The following SNX9 variants were observed in gnomAD, a reference collection of about 807,000 sequenced individuals.
SNX9 encodes the protein sorting nexin-9.
A neutral mutation model predicts 89.4 loss-of-function variants in SNX9; 44 were observed. The observed-to-expected ratio is 0.49, with a 90% CI of 0.39 to 0.63. SNX9 has a LOEUF of 0.63. Among genes scored for constraint, SNX9 ranks in the 30% least tolerant of loss-of-function variants. SNX9 has a pLI of 0.00. For missense variants in SNX9, 578 were observed against 736.1 expected, an observed-to-expected ratio of 0.79 and a Z score of 2.49; for synonymous variants, 236 against 247.8, an observed-to-expected ratio of 0.95 and a Z score of 0.45.
intron 15 of SNX9, among the ~76,000 whole-genome samples, chr6:157,937,992 G>A (rs1274440135): frequency 1.3e-5 from 2 of 152,252 alleles, no homozygotes; most frequent in Non-Finnish European, 2.9e-5. Flanking sequence ...CTGTCGAAAT[G>A]TATGCCAGCA....
At chr6:157,846,111 C>T (rs553087382) in intron 1 of SNX9, among the ~76,000 whole-genome samples, 1 of 152,348 alleles carries the variant, frequency 6.6e-6, no homozygotes, top group South Asian at 2.1e-4. Context: ...TCTCTGCCTT[C>T]GCATCTGATG....
chr6:157,854,695 C>G (rs1781975244), intron 1 of SNX9, among the ~76,000 whole-genome samples: 1 of 152,138 alleles, frequency 6.6e-6, no homozygotes, highest in Non-Finnish European at 1.5e-5. Context: ...TTTATATACA[C>G]TGAAATTATT....
At chr6:157,882,065 A>G (rs1782636631) in intron 4 of SNX9, among the ~76,000 whole-genome samples, 1 of 152,202 alleles carries the variant, frequency 6.6e-6, no homozygotes, top group South Asian at 2.1e-4. Context: ...GCCTGCTTCA[A>G]AGTTTCAAAG....
chr6:157,840,922 G>T (rs1318889392), intron 1 of SNX9, among the ~76,000 whole-genome samples: 1 of 152,162 alleles, frequency 6.6e-6, no homozygotes, highest in Non-Finnish European at 1.5e-5. Flanking sequence ...TCGACTGGTG[G>T]CCACATAGAC....
At position 157,894,106 on chromosome 6, in the gene SNX9, CTTTTTTTTTTTT is replaced by C. The variant is rs746909411; in HGVS notation, c.301-2711_301-2700del. On this transcript the variant is annotated intron_variant, in intron 4 of 17. Transcript: ENST00000392185. Reference sequence around the variant, plus strand: ...TTCTTTTTCTTTTCGCTTTTCTTTTCTTTTTTTTTTTTTTTTTTTTTGAGACAGAGTCTCTCT... The same window carrying C: ...TTCTTTTTCTTTTCGCTTTTCTTTTCTTTTTTTTTGAGACAGAGTCTCTCT... Among the ~76,000 whole-genome samples, 16 of 89,564 alleles carry C rather than the reference CTTTTTTTTTTTT, an allele frequency of 1.8e-4. 1 individual carries two copies. Among genetic ancestry groups the C allele is most frequent in the Admixed American group, 2.5e-4 (2 of 8,126 alleles). The allele number at this position is 89,564 out of a possible 152,430, so 58.8% of individuals were successfully genotyped here.
chr6:157,869,942 CTT>C (rs1431349292), intron 2 of SNX9, among the ~76,000 whole-genome samples: 4 of 152,034 alleles, frequency 2.6e-5, no homozygotes, highest in African/African-American at 7.2e-5. Flanking sequence ...CTCTCATACA[CTT>C]TACATACTCT....
chr6:157,909,995 A>C lies in SNX9; in HGVS notation c.919A>C (p.Ile307Leu), dbSNP rs888746074. 1.2e-6 allele frequency: 2 copies of C among 1,613,972 alleles called. No homozygotes were observed. The highest frequency in any genetic ancestry group is 2.7e-5 in the African/African-American group (2 of 74,914). ...LLVKFGSAIP[I>L]PSLPDKQVTG... The stretch of plus-strand genomic sequence containing the variant: ...GGTTAAGTTTGGGTCAGCCATTCCA[A>C]TCCCTTCTCTTCCAGACAAACAAGT... Residue 307 changes from isoleucine (I) to leucine (L), a missense_variant, in exon 9 of 18, where the codon ATC (isoleucine) becomes CTC (leucine). Physicochemically the swap from Ile to Leu is conservative, Grantham distance 5. Coordinates refer to ENST00000392185, the MANE Select transcript of SNX9 (RefSeq NM_016224.5).
chr6:157,933,505 A>G (rs1172138879), intron 13 of SNX9, among the ~76,000 whole-genome samples: 2 of 152,216 alleles, frequency 1.3e-5, no homozygotes, highest in African/African-American at 2.4e-5. Context: ...CCACATGGCA[A>G]TAGTTCTCAT....
chr6:157,942,834 T>C lies in SNX9; in HGVS notation c.1784T>C (p.Met595Thr). 1.2e-6 allele frequency: 2 copies of C among 1,613,866 alleles called. No homozygotes were observed. Among genetic ancestry groups the C allele is most frequent in the Non-Finnish European group, 1.7e-6 (2 of 1,179,884 alleles). ...CAGGCCCTCAGCCGCTTTCCAGTGA[T>C]GTAGGACAGAACGGGCCTTGAAGAG... ...LRQALSRFPV[M>T] is the part of the protein sequence containing the mutation. The change falls in exon 18 of 18, where the codon ATG (methionine) becomes ACG (threonine). Residue 595 changes from methionine (M) to threonine (T), a missense_variant. Transcript: ENST00000392185.
intron 11 of SNX9, among the ~76,000 whole-genome samples, chr6:157,927,680 C>T (rs935056985): frequency 6.8e-6 from 1 of 147,362 alleles, no homozygotes; most frequent in East Asian, 2.0e-4. Flanking sequence ...TTTTCTCTTA[C>T]GGACTTAAAA....
chr6:157,835,519 C>A (rs1781566260), intron 1 of SNX9, among the ~76,000 whole-genome samples: 1 of 151,148 alleles, frequency 6.6e-6, no homozygotes, highest in South Asian at 2.1e-4. Flanking sequence ...CTGAAGCAAT[C>A]CTCCTGCCTC....
chr6:157,859,108 T>C (rs1782069333), intron 1 of SNX9, among the ~76,000 whole-genome samples: 1 of 152,274 alleles, frequency 6.6e-6, no homozygotes, highest in African/African-American at 2.4e-5. Flanking sequence ...CTGTACATGA[T>C]GTCTTTTTCC....
intron 1 of SNX9, among the ~76,000 whole-genome samples, chr6:157,828,735 A>G (rs988480467): frequency 1.3e-5 from 2 of 152,112 alleles, no homozygotes; most frequent in Admixed American, 6.6e-5. Context: ...TCAGCCCCGC[A>G]AAGTATTGGG....
rs571034746 is a variant in SNX9 at position 157,872,259 on chromosome 6, C to A, written c.100-843C>A. 4.6e-5 allele frequency among the ~76,000 whole-genome samples: 7 copies of A among 152,186 alleles called. No individual in the cohort carries two copies. In the East Asian group the frequency reaches 1.3e-3, roughly 29 times the overall value. ...CAACTTCTATTCTGAATAAAAGTTACAATTTTTCCTTTGATCATAGATTGA... is the reference window on the plus strand; with the variant it reads ...CAACTTCTATTCTGAATAAAAGTTAAAATTTTTCCTTTGATCATAGATTGA... On this transcript the variant is annotated intron_variant, in intron 2 of 17. Coordinates refer to ENST00000392185, the MANE Select transcript of SNX9 (RefSeq NM_016224.5).
At chr6:157,931,744 G>A (rs1050043880) in intron 12 of SNX9, among the ~76,000 whole-genome samples, 1 of 152,192 alleles carries the variant, frequency 6.6e-6, no homozygotes, top group African/African-American at 2.4e-5. Flanking sequence ...TACGTATTTG[G>A]AATCACAAGT....
At chr6:157,859,262 T>A (rs1782071845) in intron 1 of SNX9, among the ~76,000 whole-genome samples, 1 of 152,238 alleles carries the variant, frequency 6.6e-6, no homozygotes, top group Admixed American at 6.5e-5. Flanking sequence ...AGGTGACCAA[T>A]TTAAAATTAA....
intron 1 of SNX9, among the ~76,000 whole-genome samples, chr6:157,850,981 C>T (rs1185211124): frequency 3.3e-5 from 5 of 152,128 alleles, no homozygotes; most frequent in South Asian, 2.1e-4. Context: ...TAAGGCTGGG[C>T]GTGGTGGCTC....
intron 4 of SNX9, among the ~76,000 whole-genome samples, chr6:157,894,106 C>CTTTTCTTTTCTTT (rs1484938597): frequency 1.1e-5 from 1 of 89,564 alleles, no homozygotes; most frequent in African/African-American, 4.6e-5. Flanking sequence ...CTTTTCTTTT[C>CTTTTCTTTTCTTT]TTTTTTTTTT....
At chr6:157,824,203 A>G (rs563324410) in intron 1 of SNX9, among the ~76,000 whole-genome samples, 2 of 152,088 alleles carry the variant, frequency 1.3e-5, no homozygotes, top group Admixed American at 6.5e-5. Flanking sequence ...GTTTTACGTT[A>G]TTGTTTATGA....
Sources: gnomAD v4.1 joint callset for allele counts (sites outside exome capture counted in the v4.1 genomes callset) on GRCh38, gnomAD v4.1.1 for gene constraint, MANE v1.5 for transcripts, NCBI Gene and HGNC (gene_info 2026-07-23, HGNC 2026-07-21) for gene names.